CTNNA3: variants seen among roughly 807,000 people sequenced by gnomAD.
CTNNA3 encodes the protein catenin alpha-3.
Under a neutral mutation model 95.7 loss-of-function variants are expected in CTNNA3, and 76 were observed. The observed-to-expected ratio is 0.79, with a 90% confidence interval of 0.66 to 0.96. The LOEUF (loss-of-function observed/expected upper bound fraction) is 0.96, where lower values mean the gene tolerates loss of function less well. Ranked by LOEUF, CTNNA3 falls within the 40% of genes least tolerant of loss-of-function variation. The pLI, the probability that CTNNA3 is intolerant of heterozygous loss-of-function variation, is 0.00. For synonymous variants in CTNNA3, 431 were observed against 374.4 expected (o/e 1.15, Z -1.74); for missense variants, 1,191 against 1,089.8 (o/e 1.09, Z -1.31).
intron 5 of CTNNA3, among the ~76,000 whole-genome samples, chr10:67,513,544 G>A (rs553983030): frequency 6.6e-6 from 1 of 152,326 alleles, no homozygotes; most frequent in South Asian, 2.1e-4. Flanking sequence ...AGGACAGAAT[G>A]TCACTACTCG....
intron 7 of CTNNA3, chr10:67,176,758 G>C: frequency 2.7e-6 from 1 of 367,708 alleles, no homozygotes; most frequent in Non-Finnish European, 5.3e-6. Context: ...TCCAAGGTGT[G>C]GTCAGAGAAA....
chr10:66,873,874 T>C (rs929474398), intron 7 of CTNNA3, among the ~76,000 whole-genome samples: 6 of 152,290 alleles, frequency 3.9e-5, no homozygotes, highest in Admixed American at 3.9e-4. Context: ...GTCTAAGTTG[T>C]TATTTATTTC....
intron 9 of CTNNA3, among the ~76,000 whole-genome samples, chr10:66,664,234 T>C (rs77168605): frequency 0.052 from 7,949 of 152,184 alleles, 354 homozygotes; most frequent in East Asian, 0.078. Flanking sequence ...AGGGTTGACA[T>C]TGAATAATAA....
At position 66,137,152 on chromosome 10, in the gene CTNNA3, A is replaced by G. The variant is rs185718275; in HGVS notation, c.1885-33903T>C. ...TGTTTAATAATGACCATGTTTAACA[A>G]CTAGCTCAGAGACTTCTTGAGACTT... On this transcript the variant is annotated intron_variant, in intron 13 of 17. Coordinates refer to ENST00000433211, the MANE Select transcript of CTNNA3 (RefSeq NM_013266.4). Among the ~76,000 whole-genome samples, 643 of 152,280 alleles carry G rather than the reference A, an allele frequency of 4.2e-3. 1 individual carries two copies. Among genetic ancestry groups the G allele is most frequent in the Non-Finnish European group, 7.2e-3 (490 of 68,006 alleles).
chr10:66,421,793 C>A (rs1476703004), intron 11 of CTNNA3, among the ~76,000 whole-genome samples: 1 of 146,302 alleles, frequency 6.8e-6, no homozygotes, highest in African/African-American at 2.5e-5. Context: ...CGAGACTGTG[C>A]CACTGCACTC....
intron 5 of CTNNA3, among the ~76,000 whole-genome samples, chr10:67,490,609 A>G (rs537600811): frequency 4.0e-4 from 61 of 152,282 alleles, no homozygotes; most frequent in African/African-American, 1.4e-3. Flanking sequence ...ATGGGGGAGA[A>G]CCATACTGAA....
At chr10:67,071,571 T>C (rs571402182) in intron 7 of CTNNA3, among the ~76,000 whole-genome samples, 150 of 152,170 alleles carry the variant, frequency 9.9e-4, no homozygotes, top group African/African-American at 3.5e-3. Context: ...GCAGTTTTAC[T>C]GAAATGTCCC....
intron 10 of CTNNA3, among the ~76,000 whole-genome samples, chr10:66,618,650 G>T (rs1000990213): frequency 1.3e-5 from 2 of 152,112 alleles, no homozygotes; most frequent in African/African-American, 4.8e-5. Flanking sequence ...ATAGGCATGG[G>T]CAAGGACTTC....
chr10:66,726,403 C>T (rs1208367163), intron 9 of CTNNA3, among the ~76,000 whole-genome samples: 2 of 152,016 alleles, frequency 1.3e-5, no homozygotes, highest in Non-Finnish European at 1.5e-5. Context: ...AATGCTACAA[C>T]GTGGTTTGCT....
intron 16 of CTNNA3, among the ~76,000 whole-genome samples, chr10:65,983,347 T>C (rs2078362406): frequency 6.6e-6 from 1 of 151,622 alleles, no homozygotes; most frequent in African/African-American, 2.4e-5. Context: ...TCCTATTGTC[T>C]CCTTCCTATC....
At chr10:66,161,187 AT>A in intron 13 of CTNNA3, among the ~76,000 whole-genome samples, 1 of 152,134 alleles carries the variant, frequency 6.6e-6, no homozygotes, top group Non-Finnish European at 1.5e-5. Context: ...AAATGTTAGT[AT>A]TGAAATGTGA....
At chr10:66,723,722 T>C (rs1028277240) in intron 9 of CTNNA3, among the ~76,000 whole-genome samples, 6 of 152,116 alleles carry the variant, frequency 3.9e-5, no homozygotes, top group South Asian at 2.1e-4. Flanking sequence ...TTGCTCTATA[T>C]AGTCTGGATT....
At chr10:66,152,688 T>C (rs1311741702) in intron 13 of CTNNA3, among the ~76,000 whole-genome samples, 1 of 151,914 alleles carries the variant, frequency 6.6e-6, no homozygotes, top group Non-Finnish European at 1.5e-5. Context: ...AGAGCATTTT[T>C]GAAATAAAAA....
intron 7 of CTNNA3, among the ~76,000 whole-genome samples, chr10:66,868,711 A>G (rs2132433366): frequency 1.3e-5 from 2 of 150,168 alleles, no homozygotes; most frequent in South Asian, 4.2e-4. Flanking sequence ...GTATCAAACC[A>G]TTGCACTCCA....
chr10:66,864,199 G>T (rs1412431294), intron 7 of CTNNA3, among the ~76,000 whole-genome samples: 2 of 152,190 alleles, frequency 1.3e-5, no homozygotes, highest in Non-Finnish European at 2.9e-5. Context: ...ATGCAACAGT[G>T]TTGGGAGGTG....
At chr10:66,541,062 A>G (rs901788249) in intron 10 of CTNNA3, among the ~76,000 whole-genome samples, 8 of 152,046 alleles carry the variant, frequency 5.3e-5, no homozygotes, top group African/African-American at 1.9e-4. Context: ...AAAGAAAAAA[A>G]CCTGTTAATA....
At chr10:65,997,959 G>A (rs991239026) in intron 15 of CTNNA3, among the ~76,000 whole-genome samples, 3 of 152,260 alleles carry the variant, frequency 2.0e-5, no homozygotes, top group East Asian at 1.9e-4. Context: ...AGGTTGCGGC[G>A]AGCCAAGATC....
At chr10:67,382,006 T>C (rs1447878752) in intron 5 of CTNNA3, among the ~76,000 whole-genome samples, 1 of 152,224 alleles carries the variant, frequency 6.6e-6, no homozygotes, top group Non-Finnish European at 1.5e-5. Context: ...ACTTAAACCA[T>C]GTTCAATGAA....
chr10:66,165,690 T>A (rs2131817692), intron 13 of CTNNA3, among the ~76,000 whole-genome samples: 1 of 152,172 alleles, frequency 6.6e-6, no homozygotes, highest in East Asian at 1.9e-4. Context: ...TGAAGTATTA[T>A]TACCATCTTA....
Sources: gnomAD v4.1 joint callset for allele counts (sites outside exome capture counted in the v4.1 genomes callset) on GRCh38, gnomAD v4.1.1 for gene constraint, MANE v1.5 for transcripts, NCBI Gene and HGNC (gene_info 2026-07-23, HGNC 2026-07-21) for gene names.